Variants in CTNNA2 observed in about 807,000 individuals in gnomAD.
The protein encoded by CTNNA2 is catenin alpha-2.
Under a neutral mutation model 101.0 loss-of-function variants are expected in CTNNA2, and 42 were observed. The ratio of observed to expected loss-of-function variants is 0.42; its 90% CI spans 0.32 to 0.54. The LOEUF (loss-of-function observed/expected upper bound fraction) is 0.54, where lower values mean the gene tolerates loss of function less well. Ranked by LOEUF, CTNNA2 falls within the 20% of genes least tolerant of loss-of-function variation. The pLI, the probability that CTNNA2 is intolerant of heterozygous loss-of-function variation, is 0.14. For synonymous variants in CTNNA2, 450 were observed against 456.4 expected, an observed-to-expected ratio of 0.99 and a Z score of 0.18; for missense variants, 871 against 1,223.1, an observed-to-expected ratio of 0.71 and a Z score of 4.29.
intron 3 of CTNNA2, among the ~76,000 whole-genome samples, chr2:79,819,671 G>C (rs1677853245): frequency 6.6e-6 from 1 of 152,062 alleles, no homozygotes; most frequent in Non-Finnish European, 1.5e-5. Context: ...AAGAAGAAAT[G>C]GCTAATGGGT....
chr2:79,811,772 A>G lies in CTNNA2; in HGVS notation c.299-46241A>G, dbSNP rs141825892. Among the ~76,000 whole-genome samples, 404 of 152,312 alleles carry G rather than the reference A, an allele frequency of 2.7e-3. 2 individuals carry two copies. Among genetic ancestry groups the G allele is most frequent in the Non-Finnish European group, 1.4e-3 (95 of 68,028 alleles). On this transcript the variant is annotated intron_variant, in intron 3 of 18. Transcript: ENST00000402739. ...TTCTAAGAAAAGGAAGAATTCTGCTATGATTCATCCTGGGATTATAGTCAA... is the reference window on the plus strand; with the variant it reads ...TTCTAAGAAAAGGAAGAATTCTGCTGTGATTCATCCTGGGATTATAGTCAA...
chr2:79,596,147 G>A (rs1677174522), intron 1 of CTNNA2, among the ~76,000 whole-genome samples: 1 of 151,534 alleles, frequency 6.6e-6, no homozygotes, highest in South Asian at 2.1e-4. Context: ...TTATCACATC[G>A]GCCTGGAGCT....
At chr2:80,131,887 C>A (rs1426684686) in intron 7 of CTNNA2, among the ~76,000 whole-genome samples, 1 of 152,060 alleles carries the variant, frequency 6.6e-6, no homozygotes, top group Non-Finnish European at 1.5e-5. Context: ...TCGAGACCAG[C>A]CTGGCTAACA....
intron 6 of CTNNA2, among the ~76,000 whole-genome samples, chr2:79,896,299 A>C (rs1364231893): frequency 6.6e-6 from 1 of 150,558 alleles, no homozygotes; most frequent in Non-Finnish European, 1.5e-5. Context: ...AAAAAAAAGG[A>C]GAACTAACGT....
chr2:79,683,210 A>G (rs1184619308), intron 2 of CTNNA2, among the ~76,000 whole-genome samples: 1 of 152,210 alleles, frequency 6.6e-6, no homozygotes, highest in Non-Finnish European at 1.5e-5. Context: ...GGTAACTGGT[A>G]CAAGAGGTTA....
At chr2:79,300,755 G>C (rs990638545) in intron 2 of CTNNA2, among the ~76,000 whole-genome samples, 1 of 152,012 alleles carries the variant, frequency 6.6e-6, no homozygotes, top group Non-Finnish European at 1.5e-5. Flanking sequence ...CTTCTATTTG[G>C]TCTTTCTGAT....
intron 3 of CTNNA2, among the ~76,000 whole-genome samples, chr2:79,841,323 T>C (rs1679791960): frequency 6.6e-6 from 1 of 152,220 alleles, no homozygotes; most frequent in East Asian, 1.9e-4. Flanking sequence ...CTTGTCCTGC[T>C]AATAACTTTT....
chr2:79,308,782 GTTT>G (rs10691338), intron 2 of CTNNA2, among the ~76,000 whole-genome samples: 5 of 136,360 alleles, frequency 3.7e-5, no homozygotes, highest in Admixed American at 1.4e-4. Context: ...TCATTTTATG[GTTT>G]TTTTTTTTTT....
chr2:80,009,421 A>T (rs551225940), intron 7 of CTNNA2, among the ~76,000 whole-genome samples: 1 of 152,260 alleles, frequency 6.6e-6, no homozygotes, highest in Middle Eastern at 3.4e-3. Context: ...CTCGCAAGTC[A>T]TTGGGAAGAT....
intron 7 of CTNNA2, among the ~76,000 whole-genome samples, chr2:80,166,639 A>G (rs747051511): frequency 4.3e-4 from 66 of 152,188 alleles, no homozygotes; most frequent in Non-Finnish European, 7.5e-4. Flanking sequence ...AACCTGAGGA[A>G]GGTCATGGGA....
In CTNNA2 at chr2:79,265,171, G is replaced by A. The variant is rs185517591; in HGVS notation, c.-405-47538G>A. Among the ~76,000 whole-genome samples the A allele has an allele frequency of 1.6e-3, 243 of 152,222 alleles. 4 individuals are homozygous for A. The highest frequency in any genetic ancestry group is 9.4e-4 in the Non-Finnish European group (64 of 68,014). ...CGGTTCTTCTCTGCCTCAAATTGCCGGTTGGAGACAAATTCACCAGTCACT... is the reference window on the plus strand; with the variant it reads ...CGGTTCTTCTCTGCCTCAAATTGCCAGTTGGAGACAAATTCACCAGTCACT... On this transcript the variant is annotated intron_variant, in intron 2 of 21. Coordinates refer to the CTNNA2 transcript ENST00000466387.
chr2:79,407,283 T>C (rs1461961559), intron 4 of CTNNA2, among the ~76,000 whole-genome samples: 2 of 152,048 alleles, frequency 1.3e-5, no homozygotes, highest in Non-Finnish European at 2.9e-5. Flanking sequence ...GATTATTTTA[T>C]GTCAATCCCA....
At chr2:79,977,841 C>A (rs932219949) in intron 7 of CTNNA2, among the ~76,000 whole-genome samples, 1 of 151,996 alleles carries the variant, frequency 6.6e-6, no homozygotes, top group East Asian at 1.9e-4. Context: ...AATTATCTTT[C>A]TCTGGCCAGA....
intron 18 of CTNNA2, among the ~76,000 whole-genome samples, chr2:80,621,160 G>A (rs767923845): frequency 6.6e-6 from 1 of 151,632 alleles, no homozygotes; most frequent in South Asian, 2.1e-4. Context: ...TAGATCTCTC[G>A]GGCCTCAGTT....
chr2:79,875,731 GT>G (rs10681981), intron 6 of CTNNA2, among the ~76,000 whole-genome samples: 6 of 151,624 alleles, frequency 4.0e-5, no homozygotes, highest in East Asian at 1.9e-4. Context: ...ATTTCCTAAG[GT>G]TTTTTTTGTG....
chr2:80,416,185 A>G (rs139927434), intron 8 of CTNNA2, among the ~76,000 whole-genome samples: 67 of 152,158 alleles, frequency 4.4e-4, no homozygotes, highest in South Asian at 1.5e-3. Flanking sequence ...GAAATTTGCT[A>G]AGAGAGTAGA....
chr2:79,565,567 C>G lies in CTNNA2; in HGVS notation c.-6+52360C>G, dbSNP rs142864375. Among the ~76,000 whole-genome samples, 678 of 152,190 alleles carry G rather than the reference C, an allele frequency of 4.5e-3. 5 individuals carry two copies. Among genetic ancestry groups the G allele is most frequent in the Non-Finnish European group, 4.8e-3 (326 of 68,026 alleles). ...GGATATTGGTGGTAGGCTGGAAACTCGCAGAAGTATTTAAGCAATTATTCA... is the reference window on the plus strand; with the variant it reads ...GGATATTGGTGGTAGGCTGGAAACTGGCAGAAGTATTTAAGCAATTATTCA... On this transcript the variant is annotated intron_variant, in intron 1 of 18. Transcript: ENST00000402739.
chr2:80,271,403 A>G (rs928729305), intron 7 of CTNNA2, among the ~76,000 whole-genome samples: 3 of 150,412 alleles, frequency 2.0e-5, no homozygotes, highest in Non-Finnish European at 4.4e-5. Context: ...ACATTGACCA[A>G]GCTTCTTTAT....
intron 7 of CTNNA2, among the ~76,000 whole-genome samples, chr2:79,988,641 A>C (rs1018904832): frequency 3.3e-5 from 5 of 152,212 alleles, no homozygotes; most frequent in African/African-American, 1.2e-4. Context: ...AAAGAAACTA[A>C]GGCTCATTGA....
Sources: gnomAD v4.1 joint callset for allele counts (sites outside exome capture counted in the v4.1 genomes callset) on GRCh38, gnomAD v4.1.1 for gene constraint, MANE v1.5 for transcripts, NCBI Gene and HGNC (gene_info 2026-07-23, HGNC 2026-07-21) for gene names.